The following GOLGB1 variants were observed in gnomAD, a reference collection of about 807,000 sequenced individuals.
GOLGB1 encodes golgin subfamily B member 1.
A neutral mutation model predicts 336.9 loss-of-function variants in GOLGB1; 174 were observed. The observed-to-expected ratio is 0.52, with a 90% CI of 0.46 to 0.59. The LOEUF is 0.59. Ranked by LOEUF, GOLGB1 falls within the 20% of genes least tolerant of loss-of-function variation. The pLI is 0.00. For synonymous variants in GOLGB1, 1,208 were observed against 1,289.2 expected (o/e 0.94, Z 1.35); for missense variants, 3,331 against 3,645.3 (o/e 0.91, Z 2.22).
chr3:121,674,067 A>G (rs1474107045), intron 17 of GOLGB1, among the ~76,000 whole-genome samples: 7 of 152,236 alleles, frequency 4.6e-5, no homozygotes, highest in Non-Finnish European at 1.5e-5. Flanking sequence ...CTGTTGGCAT[A>G]TATAAATGCT....
In GOLGB1 at chr3:121,696,162, T is replaced by C. The variant is rs1197998799; in HGVS notation, c.4361A>G (p.Glu1454Gly). The change falls in exon 13 of 22, where the codon GAG becomes GGG. Residue 1454 changes from glutamate (E) to glycine (G), a missense_variant. Physicochemically the swap from Glu to Gly is moderately conservative, Grantham distance 98. Transcript: ENST00000614479. ...LHTQLEMQAK[E>G]HDERIKQLQV... ...TAGCTGCTTTATCCTCTCATCATGC[T>C]CTTTGGCTTGCATTTCTAGCTGTGT... 1 of 1,614,174 alleles carries C rather than the reference T, an allele frequency of 6.2e-7. No homozygotes were observed. The highest frequency in any genetic ancestry group is 1.7e-5 in the Admixed American group (1 of 60,034).
intron 17 of GOLGB1, 64 bp downstream of exon 17, chr3:121,676,829 C>T (rs1432793254): frequency 1.4e-6 from 2 of 1,452,486 alleles, no homozygotes; most frequent in East Asian, 4.5e-5. Context: ...TTGGCTTCTA[C>T]TTGCCTTCTT....
chr3:121,713,828 T>C (rs573358071), intron 10 of GOLGB1, among the ~76,000 whole-genome samples: 6 of 152,310 alleles, frequency 3.9e-5, no homozygotes, highest in Non-Finnish European at 7.3e-5. Flanking sequence ...GTCAATGATA[T>C]GAATGCTGAC....
intron 1 of GOLGB1, chr3:121,749,245 C>G (rs1209558663): frequency 6.6e-6 from 1 of 152,388 alleles, no homozygotes; most frequent in Non-Finnish European, 1.5e-5. Context: ...CAGGTTCTTT[C>G]CGACGTCAGC....
rs1164185121 is a variant in GOLGB1 at position 121,697,488 on chromosome 3, T to C, written c.3035A>G (p.Gln1012Arg). ...TTCTTCTTCCAATCTACTGACTCTT[T>C]GCAGAAGCTCCTTTCTGTTAATAAG... ...AALINRKELL[Q>R]RVSRLEEELA... The change falls in exon 13 of 22, where the codon CAA becomes CGA. Residue 1012 changes from glutamine to arginine, a missense_variant. Transcript: ENST00000614479. 1.2e-6 allele frequency: 2 copies of C among 1,611,576 alleles called. No homozygotes were observed. Among genetic ancestry groups the C allele is most frequent in the Non-Finnish European group, 1.7e-6 (2 of 1,179,482 alleles).
chr3:121,727,332 T>A lies in GOLGB1; in HGVS notation c.403-291A>T, dbSNP rs1470044662. Among the ~76,000 whole-genome samples, 41 of 125,834 alleles carry A rather than the reference T, an allele frequency of 3.3e-4. 1 individual carries two copies. The highest frequency in any genetic ancestry group is 5.7e-4 in the Non-Finnish European group (34 of 59,556). 82.6% of individuals were successfully genotyped at this position (125,834 alleles called of 152,430 possible). ...TATATATATATATATTTTTTTTTTTTTTTTTTTTTTTTTTTTCCCTCACAC... is the reference window on the plus strand; with the variant it reads ...TATATATATATATATTTTTTTTTTTATTTTTTTTTTTTTTTTCCCTCACAC... On this transcript the variant is annotated intron_variant, in intron 4 of 21. Coordinates refer to ENST00000614479, the MANE Select transcript of GOLGB1 (RefSeq NM_001366282.2).
chr3:121,693,302 C>T (rs1282398442), intron 13 of GOLGB1, among the ~76,000 whole-genome samples: 1 of 152,128 alleles, frequency 6.6e-6, no homozygotes, highest in East Asian at 1.9e-4. Flanking sequence ...GCCTGGCCAA[C>T]ATGGTGAAAC....
chr3:121,716,219 AC>A (rs1455302165), intron 9 of GOLGB1, among the ~76,000 whole-genome samples: 1 of 152,172 alleles, frequency 6.6e-6, no homozygotes, highest in Non-Finnish European at 1.5e-5. Context: ...GGCACATATT[AC>A]TTTTATAATA....
chr3:121,685,574 T>C (rs139881042), intron 14 of GOLGB1, among the ~76,000 whole-genome samples: 1 of 139,390 alleles, frequency 7.2e-6, no homozygotes, highest in African/African-American at 2.7e-5. Context: ...AATAAATAAA[T>C]AAAAAGTGCA....
rs545663942 is a variant in GOLGB1, at chr3:121,691,884, A to G, written c.7480T>C (p.Ser2494Pro). 1.2e-6 allele frequency: 2 copies of G among 1,613,682 alleles called. No individual in the cohort carries two copies. The highest frequency in any genetic ancestry group is 1.7e-6 in the Non-Finnish European group (2 of 1,179,754). Reference protein sequence around the residue: ...DYQQLEERHLSIILEKDQLIQ... With the variant: ...DYQQLEERHLPIILEKDQLIQ... The stretch of plus-strand genomic sequence containing the variant: ...AGTTGGTCTTTTTCCAAGATTATAG[A>G]GAGATGTCGCTCTTCCAGCTGTTGA... Residue 2494 changes from serine (S) to proline (P), a missense_variant, in exon 14 of 22, where the codon TCT becomes CCT. Coordinates refer to ENST00000614479, the MANE Select transcript of GOLGB1 (RefSeq NM_001366282.2).
In GOLGB1 at chr3:121,683,053, A is replaced by ATTTTTT. The variant is rs746649684; in HGVS notation, c.8695-1194_8695-1189dup. Among the ~76,000 whole-genome samples the ATTTTTT allele has an allele frequency of 2.3e-4, 19 of 82,498 alleles. 1 individual carries two copies. Among genetic ancestry groups the ATTTTTT allele is most frequent in the African/African-American group, 5.2e-4 (11 of 21,338 alleles). 54.1% of individuals were successfully genotyped at this position (82,498 alleles called of 152,430 possible). On this transcript the variant is annotated intron_variant, in intron 14 of 21. Transcript: ENST00000614479. ...GCTGCTTAAGAAGCAATTTCTTTTA[A>ATTTTTT]TTTTTTTTTTTTTTTTTTTTTTTTT...
chr3:121,741,944 CA>C (rs1437565138), intron 1 of GOLGB1, among the ~76,000 whole-genome samples: 2 of 151,978 alleles, frequency 1.3e-5, no homozygotes, highest in African/African-American at 4.8e-5. Context: ...TCTTGTCATA[CA>C]AGATAGGAAG....
rs894305280 is a variant in GOLGB1 at position 121,714,726 on chromosome 3, C to T, written c.1404+135G>A. Reference sequence around the variant, plus strand: ...GATTCCTTTCAAATAGAATTGTCCTCAAAAAAGTATTTTTTCAGGCAGAAA... The same window carrying T: ...GATTCCTTTCAAATAGAATTGTCCTTAAAAAAGTATTTTTTCAGGCAGAAA... On this transcript the variant is annotated intron_variant, in intron 10 of 21. Coordinates refer to ENST00000614479, the MANE Select transcript of GOLGB1 (RefSeq NM_001366282.2). 7 of 656,398 alleles carry T rather than the reference C, an allele frequency of 1.1e-5. No homozygotes were observed. In the African/African-American group the frequency reaches 1.3e-4, roughly 12 times the overall value. 40.7% of individuals were successfully genotyped at this position (656,398 alleles called of 1,614,324 possible).
chr3:121,709,206 A>G (rs568155587), intron 10 of GOLGB1, among the ~76,000 whole-genome samples: 3 of 152,348 alleles, frequency 2.0e-5, no homozygotes, highest in Admixed American at 1.3e-4. Context: ...AAATGACTAC[A>G]TTAAAAGGAG....
chr3:121,683,053 A>ATTTTTTTTTTTTTTTTTTTTTTTTTTTT lies in GOLGB1; in HGVS notation c.8695-1216_8695-1189dup, dbSNP rs746649684. Among the ~76,000 whole-genome samples, 20 of 82,496 alleles carry ATTTTTTTTTTTTTTTTTTTTTTTTTTTT rather than the reference A, an allele frequency of 2.4e-4. 3 individuals are homozygous for ATTTTTTTTTTTTTTTTTTTTTTTTTTTT. Among genetic ancestry groups the ATTTTTTTTTTTTTTTTTTTTTTTTTTTT allele is most frequent in the South Asian group, 3.9e-4 (1 of 2,596 alleles). 54.1% of individuals were successfully genotyped at this position (82,496 alleles called of 152,430 possible). A position where few individuals can be genotyped will look rare whatever the true frequency, so the allele number is the denominator to read the frequency against. On this transcript the variant is annotated intron_variant, in intron 14 of 21. Transcript: ENST00000614479. ...GCTGCTTAAGAAGCAATTTCTTTTA[A>ATTTTTTTTTTTTTTTTTTTTTTTTTTTT]TTTTTTTTTTTTTTTTTTTTTTTTT...
chr3:121,745,587 G>T (rs1463626937), intron 1 of GOLGB1, among the ~76,000 whole-genome samples: 2 of 151,584 alleles, frequency 1.3e-5, no homozygotes, highest in Non-Finnish European at 2.9e-5. Context: ...TATATGTAAA[G>T]ATTAATAAAG....
At position 121,719,703 on chromosome 3, in the gene GOLGB1, A is replaced by G; in HGVS notation, c.714T>C (p.His238=). The change falls in exon 7 of 22, where the codon CAT becomes CAC. Residue 238 remains histidine, a synonymous_variant. Coordinates refer to ENST00000614479, the MANE Select transcript of GOLGB1 (RefSeq NM_001366282.2). ...DARFETQVRL[H]EDELLQLVTQ... ...TTACTAACTGAAGAAGCTCATCTTC[A>G]TGAAGACGAACTTGTGTTTCAAAGC... 1.2e-6 allele frequency: 2 copies of G among 1,611,564 alleles called. No individual in the cohort carries two copies. The highest frequency in any genetic ancestry group is 1.7e-6 in the Non-Finnish European group (2 of 1,178,676).
chr3:121,746,391 G>A (rs558743580), intron 1 of GOLGB1, among the ~76,000 whole-genome samples: 2 of 152,218 alleles, frequency 1.3e-5, no homozygotes, highest in Admixed American at 6.5e-5. Flanking sequence ...CATACACAGC[G>A]TGACCTGCCA....
At chr3:121,674,731 A>G (rs912854631) in intron 17 of GOLGB1, among the ~76,000 whole-genome samples, 1 of 152,086 alleles carries the variant, frequency 6.6e-6, no homozygotes, top group African/African-American at 2.4e-5. Flanking sequence ...AGGAATATGT[A>G]TATCCTCAGT....
Sources: gnomAD v4.1 joint callset for allele counts (sites outside exome capture counted in the v4.1 genomes callset) on GRCh38, gnomAD v4.1.1 for gene constraint, MANE v1.5 for transcripts, NCBI Gene and HGNC (gene_info 2026-07-23, HGNC 2026-07-21) for gene names.